The following MITF variants were observed in gnomAD, a reference collection of about 807,000 sequenced individuals.
The protein encoded by MITF is microphthalmia-associated transcription factor.
In MITF, 17 loss-of-function variants were observed where a neutral mutation model predicts 60.5. The ratio of observed to expected loss-of-function variants is 0.28; its 90% CI spans 0.19 to 0.42. MITF has a LOEUF of 0.42. MITF is among the 10% of genes least tolerant of loss of function. The pLI, the probability that MITF is intolerant of heterozygous loss-of-function variation, is 1.00. For missense variants in MITF, 622 were observed against 683.5 expected (o/e 0.91, Z 1.00); for synonymous variants, 260 against 248.5 (o/e 1.05, Z -0.43).
chr3:69,802,683 C>CTTTTTTTTTTTTTTTTTTTTT (rs34396439), intron 1 of MITF, among the ~76,000 whole-genome samples: 1 of 66,212 alleles, frequency 1.5e-5, no homozygotes, highest in Non-Finnish European at 2.7e-5. Context: ...AGTCCATATT[C>CTTTTTTTTTTTTTTTTTTTTT]TTTTTTTTTT....
At chr3:69,783,364 G>A (rs761750476) in intron 1 of MITF, among the ~76,000 whole-genome samples, 1 of 152,056 alleles carries the variant, frequency 6.6e-6, no homozygotes, top group African/African-American at 2.4e-5. Context: ...TTGACTGATA[G>A]TTTTTGTTGA....
chr3:69,922,652 C>T (rs2065494406), intron 2 of MITF, among the ~76,000 whole-genome samples: 2 of 152,194 alleles, frequency 1.3e-5, no homozygotes, highest in African/African-American at 2.4e-5. Context: ...ACAACTGGTA[C>T]TTCAGTGATA....
At chr3:69,951,744 T>C (rs1258046193) in intron 6 of MITF, 68 bp from the exon 7 acceptor site, 1 of 1,154,716 alleles carries the variant, frequency 8.7e-7, no homozygotes. Context: ...AAATGAGATA[T>C]TTTGTAGTTT....
chr3:69,812,566 G>A lies in MITF; in HGVS notation c.105-66568G>A, dbSNP rs547877091. Among the ~76,000 whole-genome samples the A allele has an allele frequency of 3.3e-5, 5 of 152,202 alleles. No individual in the cohort carries two copies. In the East Asian group the frequency reaches 9.7e-4, roughly 29 times the overall value. ...TTCACAGCTTTATTATTCTCCCAATGGCTATTATTTCTTTCTCAGAATTTC... is the reference window on the plus strand; with the variant it reads ...TTCACAGCTTTATTATTCTCCCAATAGCTATTATTTCTTTCTCAGAATTTC... On this transcript the variant is annotated intron_variant, in intron 1 of 9. Transcript: ENST00000352241.
At chr3:69,888,913 C>G (rs545728560) in intron 2 of MITF, among the ~76,000 whole-genome samples, 1 of 149,084 alleles carries the variant, frequency 6.7e-6, no homozygotes, top group Admixed American at 6.7e-5. Flanking sequence ...AATCCAGGCT[C>G]TTAGAGATTT....
chr3:69,786,288 A>T (rs2062647667), intron 1 of MITF, among the ~76,000 whole-genome samples: 2 of 152,132 alleles, frequency 1.3e-5, no homozygotes, highest in South Asian at 4.1e-4. Context: ...GTGCCTGGTG[A>T]CCTTTGTCAG....
chr3:69,874,225 CAT>C (rs1231575755), intron 1 of MITF, among the ~76,000 whole-genome samples: 5 of 152,178 alleles, frequency 3.3e-5, no homozygotes, highest in African/African-American at 1.2e-4. Flanking sequence ...CTTTATAGCT[CAT>C]GAGAGATTTG....
At chr3:69,896,614 C>G (rs2064881541) in intron 2 of MITF, among the ~76,000 whole-genome samples, 1 of 152,196 alleles carries the variant, frequency 6.6e-6, no homozygotes, top group Admixed American at 6.5e-5. Flanking sequence ...TTTGAGGGAT[C>G]TGCCCCCAAT....
At chr3:69,835,015 C>CTTTTTTT (rs142347719) in intron 1 of MITF, among the ~76,000 whole-genome samples, 9 of 68,536 alleles carry the variant, frequency 1.3e-4, no homozygotes, top group African/African-American at 1.6e-4. Flanking sequence ...GCTCTTTTAC[C>CTTTTTTT]TTTTTTTTTT....
intron 4 of MITF, 87 bp downstream of exon 4, chr3:69,939,268 G>C (rs2107484610): frequency 8.2e-7 from 1 of 1,215,050 alleles, no homozygotes; most frequent in Non-Finnish European, 1.2e-6. Context: ...GAAAACTTAA[G>C]CATTTTTTTC....
chr3:69,746,774 G>A (rs1484222500), intron 1 of MITF, among the ~76,000 whole-genome samples: 1 of 152,294 alleles, frequency 6.6e-6, no homozygotes, highest in South Asian at 2.1e-4. Context: ...TATACCAAGG[G>A]ATAAGTCTGC....
At chr3:69,759,805 T>C (rs1467312568) in intron 1 of MITF, among the ~76,000 whole-genome samples, 2 of 152,024 alleles carry the variant, frequency 1.3e-5, no homozygotes, top group African/African-American at 4.8e-5. Context: ...TGAGACAAAG[T>C]CTCGCTCTGT....
chr3:69,821,220 A>G lies in MITF; in HGVS notation c.105-57914A>G, dbSNP rs574831878. On this transcript the variant is annotated intron_variant, in intron 1 of 9. Transcript: ENST00000352241. ...CTGCTTCACTTCCATTGCTAAAGCC[A>G]GGAATTCAGAAGTGTAGGTCAGATG... Among the ~76,000 whole-genome samples, 3 of 152,310 alleles carry G rather than the reference A, an allele frequency of 2.0e-5. 1 individual carries two copies. Among genetic ancestry groups the G allele is most frequent in the African/African-American group, 7.2e-5 (3 of 41,570 alleles).
At chr3:69,820,186 A>T (rs2063246259) in intron 1 of MITF, among the ~76,000 whole-genome samples, 1 of 152,222 alleles carries the variant, frequency 6.6e-6, no homozygotes, top group African/African-American at 2.4e-5. Context: ...TGGGTAAATA[A>T]GGTAGTAAAA....
At chr3:69,807,809 G>A (rs1394059770) in intron 1 of MITF, among the ~76,000 whole-genome samples, 1 of 152,080 alleles carries the variant, frequency 6.6e-6, no homozygotes, top group Non-Finnish European at 1.5e-5. Flanking sequence ...CTCTAGACTT[G>A]ATCTAAAGTG....
intron 2 of MITF, among the ~76,000 whole-genome samples, chr3:69,892,682 T>G (rs1199535296): frequency 6.6e-6 from 1 of 152,208 alleles, no homozygotes; most frequent in Non-Finnish European, 1.5e-5. Context: ...GCTACTCTTT[T>G]TACAAAATTG....
intron 5 of MITF, among the ~76,000 whole-genome samples, chr3:69,942,733 A>C (rs1039396832): frequency 6.6e-6 from 1 of 152,088 alleles, no homozygotes; most frequent in Non-Finnish European, 1.5e-5. Context: ...GTTGCATCCT[A>C]TGAGGCCAAA....
Position 69,965,430 on chromosome 3 carries a change from A to C in MITF, c.*182A>C. The stretch of plus-strand genomic sequence containing the variant: ...TTTGTGAAACAGACTTGTATATTCT[A>C]TTTTACAACTACAAATGCCTCCAAA... On this transcript the variant is annotated 3_prime_UTR_variant, in exon 10 of 10. Coordinates refer to ENST00000352241, the MANE Select transcript of MITF (RefSeq NM_001354604.2). The C allele has an allele frequency of 1.6e-6, 1 of 610,442 alleles. No homozygotes were observed. The highest frequency in any genetic ancestry group is 2.1e-5 in the South Asian group (1 of 47,084). 37.8% of individuals were successfully genotyped at this position (610,442 alleles called of 1,614,324 possible).
At chr3:69,750,383 CTTTTT>C (rs72318666) in intron 1 of MITF, among the ~76,000 whole-genome samples, 1 of 113,896 alleles carries the variant, frequency 8.8e-6, no homozygotes, top group African/African-American at 3.4e-5. Flanking sequence ...TAGAGCTTTC[CTTTTT>C]TTTTTTTTTT....
Sources: allele counts gnomAD v4.1 joint callset (sites outside exome capture counted in the v4.1 genomes callset), GRCh38; gene constraint gnomAD v4.1.1; transcripts MANE v1.5; gene names NCBI Gene and HGNC (gene_info 2026-07-23, HGNC 2026-07-21).